LIPA: variants seen among roughly 807,000 people sequenced by gnomAD.
LIPA encodes the protein lysosomal acid lipase/cholesteryl ester hydrolase.
In LIPA, 26 loss-of-function variants were observed where a neutral mutation model predicts 40.6. That is an observed-to-expected ratio of 0.64 (90% CI 0.47 to 0.89). The LOEUF is 0.89. LIPA is among the 40% of genes least tolerant of loss of function. LIPA has a pLI of 0.00. For missense variants in LIPA, 455 were observed against 479.6 expected, an observed-to-expected ratio of 0.95 and a Z score of 0.48; for synonymous variants, 188 against 168.4, an observed-to-expected ratio of 1.12 and a Z score of -0.90.
intron 1 of LIPA, among the ~76,000 whole-genome samples, chr10:89,315,959 C>T (rs528506638): frequency 1.8e-4 from 28 of 152,232 alleles, no homozygotes; most frequent in African/African-American, 6.5e-4. Context: ...TACATGTGCA[C>T]ATTGTGCAGG....
In LIPA at chr10:89,397,233, A is replaced by G. The variant is rs1360762723; in HGVS notation, c.61+15558T>C. On this transcript the variant is annotated intron_variant, in intron 2 of 8. Coordinates refer to the LIPA transcript ENST00000371837. Reference sequence around the variant, plus strand: ...ACAGTGTTGGTAATGAATATTCTTGAGTATACATCCTTATGTACTGGTTAT... The same window carrying G: ...ACAGTGTTGGTAATGAATATTCTTGGGTATACATCCTTATGTACTGGTTAT... 2.6e-5 allele frequency among the ~76,000 whole-genome samples: 4 copies of G among 151,954 alleles called. No homozygotes were observed. In the East Asian group the frequency reaches 7.7e-4, roughly 29 times the overall value.
At chr10:89,391,390 T>TTAG in intron 2 of LIPA, among the ~76,000 whole-genome samples, 1 of 151,394 alleles carries the variant, frequency 6.6e-6, no homozygotes, top group Non-Finnish European at 1.5e-5. Flanking sequence ...TTTTTTTCAG[T>TTAG]TTTTTTGTAG....
chr10:89,295,350 C>T (rs994021301), intron 1 of LIPA, among the ~76,000 whole-genome samples: 1 of 151,812 alleles, frequency 6.6e-6, no homozygotes, highest in Admixed American at 6.6e-5. Context: ...AGACTCAAAA[C>T]AAAAAAGAGG....
At chr10:89,384,636 C>A in intron 2 of LIPA, 1 of 1,614,150 alleles carries the variant, frequency 6.2e-7, no homozygotes, top group Non-Finnish European at 8.5e-7. Context: ...AAAGTGTCAG[C>A]CTCCTTGGGC....
chr10:89,314,020 T>C (rs1423063392), intron 1 of LIPA, among the ~76,000 whole-genome samples: 1 of 152,262 alleles, frequency 6.6e-6, no homozygotes, highest in Non-Finnish European at 1.5e-5. Flanking sequence ...ATGTGAATTA[T>C]ATTTTATTAT....
At chr10:89,321,643 T>C (rs924889122) in intron 1 of LIPA, among the ~76,000 whole-genome samples, 15 of 152,202 alleles carry the variant, frequency 9.9e-5, no homozygotes, top group Non-Finnish European at 1.8e-4. Flanking sequence ...AGTTCAACCA[T>C]TGTGGAAGAC....
chr10:89,396,782 G>A (rs976079672), intron 2 of LIPA, among the ~76,000 whole-genome samples: 3 of 152,228 alleles, frequency 2.0e-5, no homozygotes, highest in Non-Finnish European at 4.4e-5. Context: ...CTTACTGGGT[G>A]AGAAGTGATA....
At position 89,331,961 on chromosome 10, in the gene LIPA, G is replaced by A. The variant is rs567766704; in HGVS notation, c.-2+10650C>T. Reference sequence around the variant, plus strand: ...GACTAGGTTGTCTGAGGCCGGGCACGGTGGTGCAAGGCTATAATCCCAGCA... The same window carrying A: ...GACTAGGTTGTCTGAGGCCGGGCACAGTGGTGCAAGGCTATAATCCCAGCA... On this transcript the variant is annotated intron_variant, in intron 1 of 5. Coordinates refer to the LIPA transcript ENST00000282673. Among the ~76,000 whole-genome samples the A allele has an allele frequency of 2.2e-4, 33 of 151,912 alleles. No homozygotes were observed. In the South Asian group the frequency reaches 4.2e-3, roughly 19 times the overall value.
chr10:89,335,258 A>G (rs1347210377), intron 1 of LIPA: 1 of 152,172 alleles, frequency 6.6e-6, no homozygotes, highest in Non-Finnish European at 1.5e-5. Context: ...GTTCCATGTT[A>G]TCATTAAATG....
chr10:89,308,860 AT>A (rs1192522314), intron 1 of LIPA: 1 of 152,214 alleles, frequency 6.6e-6, no homozygotes, highest in Non-Finnish European at 1.5e-5. Context: ...AGGGTGCAAA[AT>A]TTGTATTCCT....
At chr10:89,219,634 C>T (rs1375207438) in intron 8 of LIPA, among the ~76,000 whole-genome samples, 1 of 152,202 alleles carries the variant, frequency 6.6e-6, no homozygotes, top group Non-Finnish European at 1.5e-5. Context: ...TAATGCCACA[C>T]CTGAATTCTA....
At chr10:89,269,233 G>A (rs1843253180) in intron 1 of LIPA, among the ~76,000 whole-genome samples, 1 of 151,996 alleles carries the variant, frequency 6.6e-6, no homozygotes, top group Non-Finnish European at 1.5e-5. Context: ...GGGAGGCTGA[G>A]GCAGGAGAAT....
intron 2 of LIPA, among the ~76,000 whole-genome samples, chr10:89,389,975 CTTTTTTT>C (rs56947144): frequency 0.014 from 1,158 of 80,374 alleles, 9 homozygotes; most frequent in Middle Eastern, 0.042. Flanking sequence ...AGATTTCTTT[CTTTTTTT>C]TTTTTTTTTT....
At chr10:89,279,316 T>G (rs1205952081) in intron 1 of LIPA, among the ~76,000 whole-genome samples, 1 of 152,194 alleles carries the variant, frequency 6.6e-6, no homozygotes, top group African/African-American at 2.4e-5. Flanking sequence ...TCCAACCAGT[T>G]AAGCCAAAGA....
intron 8 of LIPA, among the ~76,000 whole-genome samples, chr10:89,221,072 G>A (rs1842691838): frequency 6.6e-6 from 1 of 151,902 alleles, no homozygotes; most frequent in Non-Finnish European, 1.5e-5. Flanking sequence ...ATGGGGGGAG[G>A]TATCACAAAG....
At chr10:89,223,073 T>C (rs1347219994) in intron 7 of LIPA, among the ~76,000 whole-genome samples, 4 of 152,196 alleles carry the variant, frequency 2.6e-5, no homozygotes, top group African/African-American at 9.7e-5. Context: ...TTACATTTTA[T>C]AAAATGTACT....
chr10:89,244,509 G>C (rs535993126), intron 3 of LIPA, among the ~76,000 whole-genome samples: 28 of 152,228 alleles, frequency 1.8e-4, no homozygotes, highest in African/African-American at 6.7e-4. Context: ...TTGAACCTGG[G>C]AGGCGGAGGT....
At chr10:89,337,849 A>C (rs1032496299) in intron 1 of LIPA, among the ~76,000 whole-genome samples, 9 of 152,238 alleles carry the variant, frequency 5.9e-5, no homozygotes, top group African/African-American at 2.2e-4. Context: ...GCTAAAGAAA[A>C]GTGAATGTAG....
chr10:89,344,608 G>T (rs1240444318), upstream of LIPA, among the ~76,000 whole-genome samples: 1 of 132,344 alleles, frequency 7.6e-6, no homozygotes, highest in Non-Finnish European at 1.6e-5. Context: ...TATCCATGCG[G>T]CAAGAAAAAA....
Sources: allele counts gnomAD v4.1 joint callset (sites outside exome capture counted in the v4.1 genomes callset), GRCh38; gene constraint gnomAD v4.1.1; transcripts MANE v1.5; gene names NCBI Gene and HGNC (gene_info 2026-07-23, HGNC 2026-07-21).